Variants in ANO4 observed in about 807,000 individuals in gnomAD.
ANO4 encodes the protein anoctamin-4.
A neutral mutation model predicts 141.9 loss-of-function variants in ANO4; 69 were observed. The observed-to-expected ratio is 0.49, with a 90% CI of 0.40 to 0.59. The LOEUF (loss-of-function observed/expected upper bound fraction) is 0.59. Among genes scored for constraint, ANO4 ranks in the 20% least tolerant of loss-of-function variants. The pLI, the probability that ANO4 is intolerant of heterozygous loss-of-function variation, is 0.00. For synonymous variants in ANO4, 350 were observed against 394.3 expected, an observed-to-expected ratio of 0.89 and a Z score of 1.33; for missense variants, 894 against 1,162.2, an observed-to-expected ratio of 0.77 and a Z score of 3.36.
At chr12:100,799,510 G>A (rs759204829) in intron 1 of ANO4, among the ~76,000 whole-genome samples, 18 of 152,290 alleles carry the variant, frequency 1.2e-4, no homozygotes, top group East Asian at 7.7e-4. Flanking sequence ...TTGGTAGGCC[G>A]AGGTGGGCAG....
intron 16 of ANO4, among the ~76,000 whole-genome samples, chr12:101,084,737 A>C (rs1045950211): frequency 6.6e-6 from 1 of 152,162 alleles, no homozygotes; most frequent in African/African-American, 2.4e-5. Context: ...TTTGCCTTCT[A>C]TGTACATATT....
chr12:100,970,710 C>G (rs868380660), intron 5 of ANO4, among the ~76,000 whole-genome samples: 2 of 103,198 alleles, frequency 1.9e-5, no homozygotes, highest in Non-Finnish European at 3.8e-5. Context: ...TCCTTCCTTC[C>G]TTCCTTCCTT....
chr12:100,811,253 T>G (rs2135704671), intron 1 of ANO4, among the ~76,000 whole-genome samples: 1 of 152,316 alleles, frequency 6.6e-6, no homozygotes, highest in African/African-American at 2.4e-5. Context: ...CAATTGCTTT[T>G]AGCTAAAATC....
intron 24 of ANO4, among the ~76,000 whole-genome samples, chr12:101,113,896 A>T (rs2050754618): frequency 6.6e-6 from 1 of 152,212 alleles, no homozygotes; most frequent in Non-Finnish European, 1.5e-5. Flanking sequence ...AAATGGCACT[A>T]CCCTGTAGAA....
chr12:101,020,162 CA>C (rs745450816), intron 9 of ANO4, 22 bp downstream of exon 9: 1,580 of 1,514,296 alleles, frequency 1.0e-3, no homozygotes, highest in Non-Finnish European at 1.4e-3. Flanking sequence ...GTTAGTATAA[CA>C]AACTACATTT....
rs751627407 is a variant in ANO4 at position 101,079,283 on chromosome 12, T to C, written c.1395+8T>C. On this transcript the variant is annotated splice_region_variant and intron_variant, in intron 15 of 27. Coordinates refer to ENST00000392977, the MANE Select transcript of ANO4 (RefSeq NM_001286615.2). The stretch of plus-strand genomic sequence containing the variant: ...GACTGGGAAGAAGAGGAGGTTTGTA[T>C]CATTTACCTCAGAATGTTGTAAAAA... 1.2e-6 allele frequency: 2 copies of C among 1,609,038 alleles called. No individual in the cohort carries two copies. Among genetic ancestry groups the C allele is most frequent in the African/African-American group, 2.7e-5 (2 of 74,660 alleles).
chr12:100,854,771 A>G (rs1368827162), intron 1 of ANO4, among the ~76,000 whole-genome samples: 11 of 152,080 alleles, frequency 7.2e-5, no homozygotes, highest in Admixed American at 7.2e-4. Context: ...GTCTATTTTT[A>G]TCTGCTTAAT....
chr12:100,871,690 T>C (rs1410153639), intron 1 of ANO4, among the ~76,000 whole-genome samples: 1 of 152,196 alleles, frequency 6.6e-6, no homozygotes, highest in East Asian at 1.9e-4. Flanking sequence ...ACAGATTTGG[T>C]GTCTGGTGAG....
At chr12:101,054,644 C>T (rs570715681) in intron 14 of ANO4, among the ~76,000 whole-genome samples, 29 of 152,258 alleles carry the variant, frequency 1.9e-4, no homozygotes, top group African/African-American at 6.0e-4. Context: ...GGATTACAGG[C>T]GCCCGCCACC....
At chr12:100,971,739 G>A (rs1290306201) in intron 6 of ANO4, among the ~76,000 whole-genome samples, 1 of 152,062 alleles carries the variant, frequency 6.6e-6, no homozygotes, top group Non-Finnish European at 1.5e-5. Context: ...ACAGGCAGCA[G>A]TTGCACAGGG....
chr12:100,988,561 AG>A (rs2044845507), intron 8 of ANO4, among the ~76,000 whole-genome samples: 1 of 147,614 alleles, frequency 6.8e-6, no homozygotes, highest in African/African-American at 2.5e-5. Flanking sequence ...AAAAAAAAAA[AG>A]GTTGCTGATT....
At chr12:100,928,701 A>G (rs1476021680) in intron 3 of ANO4, among the ~76,000 whole-genome samples, 1 of 152,188 alleles carries the variant, frequency 6.6e-6, no homozygotes, top group Non-Finnish European at 1.5e-5. Context: ...AATTAGGCAC[A>G]TAGTTCTTCT....
At chr12:101,021,473 G>C (rs1320206767) in intron 9 of ANO4, among the ~76,000 whole-genome samples, 1 of 152,160 alleles carries the variant, frequency 6.6e-6, no homozygotes, top group Non-Finnish European at 1.5e-5. Context: ...TGACAAAGGA[G>C]AAATAGTTAC....
At chr12:100,994,433 T>C (rs2045278522) in intron 8 of ANO4, among the ~76,000 whole-genome samples, 1 of 152,048 alleles carries the variant, frequency 6.6e-6, no homozygotes, top group Admixed American at 6.6e-5. Context: ...ATAATAAAGG[T>C]TTTCTGCTGG....
At chr12:100,737,164 A>C (rs2031652032) in intron 2 of ANO4, among the ~76,000 whole-genome samples, 1 of 152,154 alleles carries the variant, frequency 6.6e-6, no homozygotes, top group Non-Finnish European at 1.5e-5. Context: ...TTCACATAAC[A>C]GGGACACCAG....
intron 14 of ANO4, among the ~76,000 whole-genome samples, chr12:101,076,492 A>T (rs965139036): frequency 1.3e-5 from 2 of 152,208 alleles, no homozygotes; most frequent in Non-Finnish European, 2.9e-5. Flanking sequence ...ATTAATGGTT[A>T]GAATCTCTGT....
intron 8 of ANO4, among the ~76,000 whole-genome samples, chr12:100,993,433 G>C (rs148431617): frequency 1.3e-5 from 2 of 152,092 alleles, no homozygotes; most frequent in African/African-American, 4.8e-5. Flanking sequence ...ACCAATTTAC[G>C]GATGAGGAAA....
intron 2 of ANO4, among the ~76,000 whole-genome samples, chr12:100,914,900 A>T (rs557178116): frequency 6.6e-6 from 1 of 152,242 alleles, no homozygotes; most frequent in East Asian, 1.9e-4. Flanking sequence ...CTTCAGCCTC[A>T]AACTCCTGGG....
At chr12:100,996,192 T>C (rs1464124986) in intron 8 of ANO4, among the ~76,000 whole-genome samples, 2 of 152,248 alleles carry the variant, frequency 1.3e-5, no homozygotes, top group African/African-American at 4.8e-5. Context: ...TTATGTGTGA[T>C]GTGTAGTATA....
Sources: gnomAD v4.1 joint callset for allele counts (sites outside exome capture counted in the v4.1 genomes callset) on GRCh38, gnomAD v4.1.1 for gene constraint, MANE v1.5 for transcripts, NCBI Gene and HGNC (gene_info 2026-07-23, HGNC 2026-07-21) for gene names.